The following DAGLA variants were observed in gnomAD, a reference collection of about 807,000 sequenced individuals.
DAGLA encodes the protein diacylglycerol lipase alpha.
Under a neutral mutation model 102.6 loss-of-function variants are expected in DAGLA, and 22 were observed. The ratio of observed to expected loss-of-function variants is 0.21; its 90% CI spans 0.15 to 0.31. DAGLA has a LOEUF of 0.31. Ranked by LOEUF, DAGLA falls within the 10% of genes least tolerant of loss-of-function variation. The pLI, the probability that DAGLA is intolerant of heterozygous loss-of-function variation, is 1.00. For missense variants in DAGLA, 927 were observed against 1,446.6 expected (o/e 0.64, Z 5.83); for synonymous variants, 578 against 628.9 (o/e 0.92, Z 1.21).
At chr11:61,735,869 G>C in intron 12 of DAGLA, 53 bp downstream of exon 12, 1 of 1,500,270 alleles carries the variant, frequency 6.7e-7, no homozygotes, top group Non-Finnish European at 9.1e-7. Context: ...TGCCCTGCCA[G>C]TGTGCAGAGG....
rs1054086042 is a variant in DAGLA at position 61,720,880 on chromosome 11, C to T, written c.297C>T (p.Tyr99=). 6 of 1,611,780 alleles carry T rather than the reference C, an allele frequency of 3.7e-6. No homozygotes were observed. The highest frequency in any genetic ancestry group is 5.1e-6 in the Non-Finnish European group (6 of 1,179,084). The change falls in exon 3 of 20, where the codon TAC becomes TAT. Residue 99 remains tyrosine (Y), a synonymous_variant. Coordinates refer to ENST00000257215, the MANE Select transcript of DAGLA (RefSeq NM_006133.3). ...GTGACTCCATGCAGTACGTGCTCTA[C>T]GTGCGCCTGGGTAAGGGCCACCCAC... ...EPRDSMQYVL[Y]VRLAILVIEF...
chr11:61,700,116 C>T (rs531654031), intron 1 of DAGLA, among the ~76,000 whole-genome samples: 3 of 152,314 alleles, frequency 2.0e-5, no homozygotes, highest in South Asian at 2.1e-4. Context: ...GCCAGGGCAG[C>T]GGCAGCAGCA....
chr11:61,739,388 T>G, intron 16 of DAGLA, 77 bp from the exon 17 acceptor site: 8 of 1,358,378 alleles, frequency 5.9e-6, no homozygotes, highest in East Asian at 2.5e-5. Context: ...GAGCCCCCCT[T>G]CTCGGTCCCC....
intron 1 of DAGLA, among the ~76,000 whole-genome samples, chr11:61,713,367 C>T (rs918197377): frequency 1.3e-5 from 2 of 152,168 alleles, no homozygotes; most frequent in Non-Finnish European, 2.9e-5. Flanking sequence ...GTAGTACCTA[C>T]CTCACAGAAC....
At chr11:61,694,306 C>T (rs943560898) in intron 1 of DAGLA, among the ~76,000 whole-genome samples, 22 of 152,330 alleles carry the variant, frequency 1.4e-4, no homozygotes, top group African/African-American at 4.1e-4. Flanking sequence ...AAGACCTCAC[C>T]TGTGTGTTCC....
intron 7 of DAGLA, 150 bp downstream of exon 7, chr11:61,728,437 C>A: frequency 2.1e-6 from 2 of 945,566 alleles, no homozygotes; most frequent in Non-Finnish European, 3.1e-6. Context: ...TCACCTTTAC[C>A]TCTGGCTCCC....
In DAGLA at chr11:61,723,581, G is replaced by A; in HGVS notation, c.548+9G>A. 1 of 1,611,550 alleles carries A rather than the reference G, an allele frequency of 6.2e-7. No homozygotes were observed. The highest frequency in any genetic ancestry group is 8.5e-7 in the Non-Finnish European group (1 of 1,177,994). The stretch of plus-strand genomic sequence containing the variant: ...CGGACCTACAACCTGCGGTCAGTCA[G>A]CGGGCTGGGTGGGCAGTCCCAGGGT... On this transcript the variant is annotated intron_variant, in intron 5 of 19. Coordinates refer to ENST00000257215, the MANE Select transcript of DAGLA (RefSeq NM_006133.3).
At chr11:61,700,816 G>A (rs1209320225) in intron 1 of DAGLA, among the ~76,000 whole-genome samples, 3 of 152,110 alleles carry the variant, frequency 2.0e-5, no homozygotes, top group African/African-American at 7.2e-5. Flanking sequence ...CAGCCTGAAC[G>A]GCACTGCCAA....
At chr11:61,732,210 G>T (rs1478846325) in intron 9 of DAGLA, among the ~76,000 whole-genome samples, 1 of 152,174 alleles carries the variant, frequency 6.6e-6, no homozygotes, top group Non-Finnish European at 1.5e-5. Context: ...CTGGCATGCT[G>T]GGCAGCAGCT....
At chr11:61,720,308 C>T (rs951316534) in intron 2 of DAGLA, 58 bp downstream of exon 2, 30 of 1,526,686 alleles carry the variant, frequency 2.0e-5, no homozygotes, top group Middle Eastern at 3.5e-4. Context: ...TCTGGAAGGA[C>T]GCTTTCTGGC....
intron 1 of DAGLA, among the ~76,000 whole-genome samples, chr11:61,707,753 G>A (rs1311863795): frequency 3.3e-5 from 5 of 152,214 alleles, no homozygotes; most frequent in Non-Finnish European, 7.3e-5. Flanking sequence ...AAATGCCTGG[G>A]CATGGGGTGC....
chr11:61,688,651 G>A lies in DAGLA; in HGVS notation c.-45+8147G>A, dbSNP rs190029269. ...TTTTGTGGAAGTGCAGGGGGCCCGT[G>A]GGGGGTTCTGGGCCCTGCTTCCTCT... On this transcript the variant is annotated intron_variant, in intron 1 of 19. Transcript: ENST00000257215. Among the ~76,000 whole-genome samples the A allele has an allele frequency of 9.7e-4, 148 of 152,296 alleles. 1 individual carries two copies. Among genetic ancestry groups the A allele is most frequent in the African/African-American group, 3.4e-3 (142 of 41,564 alleles).
At chr11:61,738,061 T>A in intron 15 of DAGLA, 74 bp from the exon 16 acceptor site, 1 of 1,239,916 alleles carries the variant, frequency 8.1e-7, no homozygotes, top group Non-Finnish European at 1.2e-6. Flanking sequence ...TGCCTGCCCC[T>A]CCGCCCCTGG....
chr11:61,683,837 C>A (rs150558537), intron 1 of DAGLA, among the ~76,000 whole-genome samples: 16 of 152,254 alleles, frequency 1.1e-4, no homozygotes, highest in African/African-American at 3.6e-4. Context: ...CGAGTAAGTT[C>A]CAGCTGAGGC....
At chr11:61,711,031 C>T (rs539718122) in intron 1 of DAGLA, among the ~76,000 whole-genome samples, 52 of 152,330 alleles carry the variant, frequency 3.4e-4, no homozygotes, top group African/African-American at 7.9e-4. Context: ...TCGGTCAGCT[C>T]ATTGGATGGC....
intron 16 of DAGLA, 69 bp from the exon 17 acceptor site, chr11:61,739,396 C>A: frequency 2.0e-6 from 3 of 1,490,166 alleles, no homozygotes; most frequent in Admixed American, 3.5e-5. Context: ...CTTCTCGGTC[C>A]CCCTGCCCCT....
At chr11:61,695,249 G>A (rs1372357715) in intron 1 of DAGLA, among the ~76,000 whole-genome samples, 5 of 151,978 alleles carry the variant, frequency 3.3e-5, no homozygotes, top group Non-Finnish European at 5.9e-5. Flanking sequence ...TGCTTTCCCC[G>A]CTCTTTCTGT....
At chr11:61,732,328 A>C (rs1467370862) in intron 9 of DAGLA, among the ~76,000 whole-genome samples, 1 of 151,904 alleles carries the variant, frequency 6.6e-6, no homozygotes, top group Non-Finnish European at 1.5e-5. Flanking sequence ...TATTCTCACC[A>C]TCCCTCCAGC....
intron 5 of DAGLA, among the ~76,000 whole-genome samples, chr11:61,725,138 G>A (rs1320180152): frequency 2.6e-5 from 4 of 152,156 alleles, no homozygotes; most frequent in East Asian, 3.9e-4. Flanking sequence ...TTAAGGGGCC[G>A]CACATGGCAC....
Sources: gnomAD v4.1 joint callset for allele counts (sites outside exome capture counted in the v4.1 genomes callset) on GRCh38, gnomAD v4.1.1 for gene constraint, MANE v1.5 for transcripts, NCBI Gene and HGNC (gene_info 2026-07-23, HGNC 2026-07-21) for gene names.